Variants in ABCA3 observed in about 807,000 individuals in gnomAD.
The protein encoded by ABCA3 is phospholipid-transporting ATPase ABCA3.
Under a neutral mutation model 172.8 loss-of-function variants are expected in ABCA3, and 88 were observed. The ratio of observed to expected loss-of-function variants is 0.51; its 90% CI spans 0.43 to 0.61. The LOEUF (loss-of-function observed/expected upper bound fraction) is 0.61. ABCA3 is among the 20% of genes least tolerant of loss of function. The pLI, the probability that ABCA3 is intolerant of heterozygous loss-of-function variation, is 0.00. For missense variants in ABCA3, 2,164 were observed against 2,301.0 expected (o/e 0.94, Z 1.22); for synonymous variants, 1,066 against 983.8 (o/e 1.08, Z -1.56).
At chr16:2,337,623 T>C (rs895533865) in intron 1 of ABCA3, among the ~76,000 whole-genome samples, 1 of 151,426 alleles carries the variant, frequency 6.6e-6, no homozygotes, top group Non-Finnish European at 1.5e-5. Context: ...TGGCCTCAAG[T>C]GATCCTCCCG....
In ABCA3 at chr16:2,317,741, G is replaced by A; in HGVS notation, c.897C>T (p.Leu299=). 1 of 1,614,232 alleles carries A rather than the reference G, an allele frequency of 6.2e-7. No individual in the cohort carries two copies. The highest frequency in any genetic ancestry group is 1.3e-5 in the African/African-American group (1 of 75,074). The part of the protein sequence containing the change: ...RLKEYMRMMG[L]SSWLHWSAWF... The stretch of plus-strand genomic sequence containing the variant: ...AGGCACTCCAGTGCAGCCAGCTGCT[G>A]AGCCCCATCATGCGCATGTACTCCT... Residue 299 remains leucine, a synonymous_variant, in exon 9 of 33, where the codon CTC becomes CTT. Coordinates refer to ENST00000301732, the MANE Select transcript of ABCA3 (RefSeq NM_001089.3).
intron 1 of ABCA3, among the ~76,000 whole-genome samples, chr16:2,340,154 G>A (rs986630871): frequency 6.6e-6 from 1 of 152,230 alleles, no homozygotes; most frequent in Admixed American, 6.5e-5. Flanking sequence ...CGCCATCTCC[G>A]CAAGTGCGCG....
In ABCA3 at chr16:2,285,664, G is replaced by A. The variant is rs1218614269; in HGVS notation, c.3279-18C>T. On this transcript the variant is annotated intron_variant, in intron 22 of 32. Transcript: ENST00000301732. This position sits in a 1 kb window ranked among gnomAD's most constrained non-coding sequence, Gnocchi z 4.7. ...TCCGGCCCCTGCGGGGGACAGAGAA[G>A]GTCAGGGACGGAGCACAGCACGTCT... 1.9e-6 allele frequency: 3 copies of A among 1,551,150 alleles called. No homozygotes were observed. Among genetic ancestry groups the A allele is most frequent in the Non-Finnish European group, 2.6e-6 (3 of 1,146,878 alleles).
chr16:2,278,389 GTCCAGGAAGA>G lies in ABCA3; in HGVS notation c.4607_4616del (p.Ile1536ThrfsTer95). The G allele has an allele frequency of 6.2e-7, 1 of 1,612,730 alleles. No homozygotes were observed. Among genetic ancestry groups the G allele is most frequent in the Non-Finnish European group, 8.5e-7 (1 of 1,180,008 alleles). ...CGGGGTCCATGCCAGTGGACGGCTC[GTCCAGGAAGA>G]TGACAGCAGGCTCTCCGATCAGGGC... On this transcript the variant is annotated frameshift_variant, in exon 30 of 33. Transcript: ENST00000301732. LOFTEE classifies it high-confidence loss of function. This position sits in a 1 kb window ranked among gnomAD's most constrained non-coding sequence, Gnocchi z 4.4.
chr16:2,295,993 G>A (rs2093679178), intron 17 of ABCA3, among the ~76,000 whole-genome samples: 2 of 152,232 alleles, frequency 1.3e-5, no homozygotes, highest in African/African-American at 4.8e-5. Context: ...CCTGCTGGAA[G>A]GTGGGGTCTC....
chr16:2,329,260 G>C (rs1267731945), intron 2 of ABCA3, among the ~76,000 whole-genome samples: 1 of 152,112 alleles, frequency 6.6e-6, no homozygotes, highest in Non-Finnish European at 1.5e-5. Context: ...AAAGTCAGTT[G>C]CTGATGATGA....
chr16:2,309,886 T>C (rs45461202), intron 10 of ABCA3, among the ~76,000 whole-genome samples: 17,090 of 151,896 alleles, frequency 0.11, 1,613 homozygotes, highest in East Asian at 0.38. Flanking sequence ...TCCCAAAGTG[T>C]TGGGATTACA....
chr16:2,328,662 G>C lies in ABCA3; in HGVS notation c.-236C>G, dbSNP rs323048. 0.033 allele frequency: 14,805 copies of C among 451,986 alleles called. 1,808 individuals carry two copies. The highest frequency in any genetic ancestry group is 0.26 in the African/African-American group (13,193 of 49,998). 28.0% of individuals were successfully genotyped at this position (451,986 alleles called of 1,614,324 possible). A position where few individuals can be genotyped will look rare whatever the true frequency, so the allele number is the denominator to read the frequency against. On this transcript the variant is annotated 5_prime_UTR_variant, in exon 3 of 33. Transcript: ENST00000301732. ...ACTCGCTACAACTGCAGGCAGAGAGGAGTCCTTCCCGCTCAGCGTCCTTCA... is the reference window on the plus strand; with the variant it reads ...ACTCGCTACAACTGCAGGCAGAGAGCAGTCCTTCCCGCTCAGCGTCCTTCA...
intron 1 of ABCA3, among the ~76,000 whole-genome samples, chr16:2,334,506 A>T (rs1371947282): frequency 6.7e-6 from 1 of 150,186 alleles, no homozygotes; most frequent in Non-Finnish European, 1.5e-5. Flanking sequence ...AAATGCCCAA[A>T]CACCAGTAAT....
At chr16:2,296,835 G>C (rs2093680534) in intron 17 of ABCA3, among the ~76,000 whole-genome samples, 1 of 152,228 alleles carries the variant, frequency 6.6e-6, no homozygotes, top group African/African-American at 2.4e-5. Context: ...GGGGAGGAGG[G>C]CTCCTATGTC....
At chr16:2,317,507 T>C in intron 9 of ABCA3, 104 bp from the exon 10 acceptor site, 1 of 1,574,180 alleles carries the variant, frequency 6.4e-7, no homozygotes, top group Non-Finnish European at 8.7e-7. Flanking sequence ...CCGAGAGGAG[T>C]GGGACATTGA....
At chr16:2,323,397 A>T in intron 7 of ABCA3, 126 bp downstream of exon 7, 1 of 1,292,538 alleles carries the variant, frequency 7.7e-7, no homozygotes, top group Non-Finnish European at 1.1e-6. Flanking sequence ...AAAGACTTGG[A>T]ACCAAGCCAA....
chr16:2,326,453 C>G lies in ABCA3; in HGVS notation c.14G>C (p.Arg5Thr), dbSNP rs1245878632. 6.2e-7 allele frequency: 1 copy of G among 1,611,954 alleles called. No individual in the cohort carries two copies. The highest frequency in any genetic ancestry group is 8.5e-7 in the Non-Finnish European group (1 of 1,179,082). Residue 5 changes from arginine (R) to threonine (T), a missense_variant, in exon 4 of 33, where the codon AGG becomes ACG. Transcript: ENST00000301732. ...CTTCCAGAGGAGGAGCGCCAGCTGC[C>G]TGAGCACAGCCATCGTCTTGCTGAA... is the stretch of plus-strand genomic sequence containing the variant. MAVL[R>T]QLALLLWKNY...
rs1596826921 is a variant in ABCA3, at chr16:2,278,214, T to C, written c.4718+74A>G. ...AGACTCTGCACCAGATGCTGATGGG[T>C]CTCCTGGCCACCTGGCTCCTCCATG... On this transcript the variant is annotated intron_variant, in intron 30 of 32. Coordinates refer to ENST00000301732, the MANE Select transcript of ABCA3 (RefSeq NM_001089.3). The surrounding 1 kb of genome is among the most constrained non-coding windows in gnomAD (Gnocchi z 4.4). 1.6e-5 allele frequency: 25 copies of C among 1,599,360 alleles called. No individual in the cohort carries two copies. The South Asian group carries it at 2.4e-4, about 15-fold the overall frequency.
chr16:2,326,462 G>T lies in ABCA3; in HGVS notation c.5C>A (p.Ala2Asp), dbSNP rs148662935. Residue 2 changes from alanine (A) to aspartate (D), a missense_variant, in exon 4 of 33, where the codon GCT becomes GAT. By Grantham distance (126) the Ala-to-Asp change is moderately radical (BLOSUM62 -2). Around this residue, in one of 3 missense-constraint regions of ABCA3, gnomAD observed 1,343 missense variants for 1,369.6 expected, o/e 0.98. Transcript: ENST00000301732. ...GAGGAGCGCCAGCTGCCTGAGCACAGCCATCGTCTTGCTGAAAGGGACGCC... is the reference window on the plus strand; with the variant it reads ...GAGGAGCGCCAGCTGCCTGAGCACATCCATCGTCTTGCTGAAAGGGACGCC... MAVLRQLALLLW... is the reference protein window; with the variant it reads MDVLRQLALLLW... 263 of 1,611,346 alleles carry T rather than the reference G, an allele frequency of 1.6e-4. No individual in the cohort carries two copies. The African/African-American group carries it at 3.3e-3, about 20-fold the overall frequency.
rs765414485 is a variant in ABCA3, at chr16:2,281,127, G to C, written c.4259C>G (p.Ala1420Gly). 2 of 1,613,768 alleles carry C rather than the reference G, an allele frequency of 1.2e-6. No individual in the cohort carries two copies. Among genetic ancestry groups the C allele is most frequent in the Non-Finnish European group, 1.7e-6 (2 of 1,180,046 alleles). The change falls in exon 28 of 33, where the codon GCC (alanine) becomes GGC (glycine). Residue 1420 changes from alanine to glycine, a missense_variant. Around this residue, in one of 3 missense-constraint regions of ABCA3, gnomAD observed 795 missense variants for 881.9 expected, o/e 0.90. Transcript: ENST00000301732. This position sits in a 1 kb window ranked among gnomAD's most constrained non-coding sequence, Gnocchi z 4.7. ...ECFGLLGFNG[A>G]GKTTTFKMLT... ...CATTTTGAAAGTCGTGGTCTTCCCG[G>C]CTCCATTGAAGCCCAGCAGGCCGAA...
intron 7 of ABCA3, among the ~76,000 whole-genome samples, chr16:2,322,040 A>G (rs2093726856): frequency 6.6e-6 from 1 of 152,114 alleles, no homozygotes; most frequent in Admixed American, 6.6e-5. Flanking sequence ...TCTACTAAAA[A>G]TACAAAAATT....
At position 2,281,594 on chromosome 16, in the gene ABCA3, G is replaced by T. The variant is rs889008955; in HGVS notation, c.4036-85C>A. 2 of 1,441,476 alleles carry T rather than the reference G, an allele frequency of 1.4e-6. No individual in the cohort carries two copies. Among genetic ancestry groups the T allele is most frequent in the Admixed American group, 3.5e-5 (2 of 57,898 alleles). The allele number at this position is 1,441,476 out of a possible 1,614,324, so 89.3% of individuals were successfully genotyped here. On this transcript the variant is annotated intron_variant, in intron 26 of 32. Coordinates refer to ENST00000301732, the MANE Select transcript of ABCA3 (RefSeq NM_001089.3). The surrounding 1 kb of genome is among the most constrained non-coding windows in gnomAD (Gnocchi z 4.7). The stretch of plus-strand genomic sequence containing the variant: ...GAAGGGAGGGGCGGGGGTGGATGTG[G>T]GAGGTCTGGTGGGACTAAGGCCTTC...
Position 2,297,767 on chromosome 16 carries a change from T to C in ABCA3, c.2051A>G (p.Lys684Arg), listed in dbSNP as rs746477534. Residue 684 changes from lysine (K) to arginine (R), a missense_variant and splice_region_variant, in exon 16 of 33, where the codon AAG (lysine) becomes AGG (arginine). By Grantham distance (26) the Lys-to-Arg change is conservative. Transcript: ENST00000301732. The surrounding 1 kb of genome is among the most constrained non-coding windows in gnomAD (Gnocchi z 5.6). Reference protein sequence around the residue: ...SIGIALIAGSKVLILDEPTSG... With the variant: ...SIGIALIAGSRVLILDEPTSG... ...CTGCCTCCAGTCCCACCGCCACACCTTGGAGCCTGCGATGAGGGCGATGCC... is the reference window on the plus strand; with the variant it reads ...CTGCCTCCAGTCCCACCGCCACACCCTGGAGCCTGCGATGAGGGCGATGCC... 1.2e-6 allele frequency: 2 copies of C among 1,611,466 alleles called. No individual in the cohort carries two copies. The highest frequency in any genetic ancestry group is 2.2e-5 in the South Asian group (2 of 91,044).
Sources: allele counts gnomAD v4.1 joint callset (sites outside exome capture counted in the v4.1 genomes callset), GRCh38; gene constraint gnomAD v4.1.1; regional missense constraint gnomAD v4.1.1; non-coding constraint Gnocchi (gnomAD v3.1); transcripts MANE v1.5; gene names NCBI Gene and HGNC (gene_info 2026-07-23, HGNC 2026-07-21).